Variants in RPS6KB2 observed in about 807,000 individuals in gnomAD.
RPS6KB2 encodes the protein ribosomal protein S6 kinase beta-2.
In RPS6KB2, 51 loss-of-function variants were observed where a neutral mutation model predicts 58.2. The ratio of observed to expected loss-of-function variants is 0.88; its 90% CI spans 0.70 to 1.11. The LOEUF (loss-of-function observed/expected upper bound fraction) is 1.11, where lower values mean the gene tolerates loss of function less well. Ranked by LOEUF, RPS6KB2 falls within the 50% of genes least tolerant of loss-of-function variation. RPS6KB2 has a pLI of 0.00. For synonymous variants in RPS6KB2, 293 were observed against 258.6 expected (o/e 1.13, Z -1.28); for missense variants, 671 against 655.8 (o/e 1.02, Z -0.25).
Position 67,432,638 on chromosome 11 carries a change from T to C in RPS6KB2, c.496T>C (p.Phe166Leu). The C allele has an allele frequency of 6.2e-7, 1 of 1,614,200 alleles. No homozygotes were observed. The highest frequency in any genetic ancestry group is 1.1e-5 in the South Asian group (1 of 91,080). ...LFTHLEREGI[F>L]LEDTACFYLA... The stretch of plus-strand genomic sequence containing the variant: ...CACGCATCTGGAGCGAGAGGGCATC[T>C]TCCTGGAAGATACGGCCTGGTGGGT... Residue 166 changes from phenylalanine to leucine, a missense_variant, in exon 6 of 15, where the codon TTC becomes CTC. Phe to Leu is a conservative substitution (Grantham distance 22). Coordinates refer to ENST00000312629, the MANE Select transcript of RPS6KB2 (RefSeq NM_003952.3).
At chr11:67,434,774 G>A in intron 14 of RPS6KB2, 80 bp downstream of exon 14, 1 of 1,208,702 alleles carries the variant, frequency 8.3e-7, no homozygotes. Flanking sequence ...GGGTGCCTTG[G>A]CCACGTCTGT....
At chr11:67,434,515 C>T (rs1317951923) in intron 13 of RPS6KB2, 31 bp downstream of exon 13, 12 of 1,602,668 alleles carry the variant, frequency 7.5e-6, no homozygotes, top group Non-Finnish European at 1.0e-5. Flanking sequence ...CCTGTGGGAC[C>T]AGGGCACGGA....
intron 14 of RPS6KB2, 64 bp from the exon 15 acceptor site, chr11:67,434,925 C>T (rs2135130985): frequency 6.8e-7 from 1 of 1,481,022 alleles, no homozygotes; most frequent in African/African-American, 1.4e-5. Flanking sequence ...CCTTCCCTGA[C>T]TGAGTGCTGG....
intron 3 of RPS6KB2, 28 bp from the exon 4 acceptor site, chr11:67,429,499 A>G: frequency 6.2e-7 from 1 of 1,605,386 alleles, no homozygotes; most frequent in Non-Finnish European, 8.5e-7. Flanking sequence ...TGGAGAGGGA[A>G]GTTGATCCTG....
In RPS6KB2 at chr11:67,432,740, C is replaced by G. The variant is rs371735596; in HGVS notation, c.519C>G (p.Phe173Leu). Residue 173 changes from phenylalanine (F) to leucine (L), a missense_variant, in exon 7 of 15, where the codon TTC becomes TTG. Phe to Leu is a conservative substitution (Grantham distance 22). Transcript: ENST00000312629. Reference protein sequence around the residue: ...EGIFLEDTACFYLAEITLALG... With the variant: ...EGIFLEDTACLYLAEITLALG... Reference sequence around the variant, plus strand: ...TCACCCTGTCTTGTTTCTGCAGCTTCTACCTGGCTGAGATCACGCTGGCCC... The same window carrying G: ...TCACCCTGTCTTGTTTCTGCAGCTTGTACCTGGCTGAGATCACGCTGGCCC... 32 of 1,614,064 alleles carry G rather than the reference C, an allele frequency of 2.0e-5. No individual in the cohort carries two copies. In the Admixed American group the frequency reaches 5.3e-4, roughly 27 times the overall value.
chr11:67,428,990 TC>T lies in RPS6KB2; in HGVS notation c.91del (p.Ala32ProfsTer3), dbSNP rs1443134548. The stretch of plus-strand genomic sequence containing the variant: ...CCCTCGGTTTCTCACAGGACGCATG[TC>T]CCCTTGCCGAGTTGAGGGCAGCTGG... ...EPELSPADAC[P>X]LAELRAAGLE... is the part of the protein sequence containing the mutation. On this transcript the variant is annotated frameshift_variant, in exon 2 of 15. Coordinates refer to ENST00000312629, the MANE Select transcript of RPS6KB2 (RefSeq NM_003952.3). LOFTEE classifies it high-confidence loss of function. 10 of 1,613,510 alleles carry T rather than the reference TC, an allele frequency of 6.2e-6. No individual in the cohort carries two copies. The highest frequency in any genetic ancestry group is 6.8e-6 in the Non-Finnish European group (8 of 1,179,886).
At chr11:67,432,308 G>A (rs909211494) in intron 5 of RPS6KB2, 8 of 635,354 alleles carry the variant, frequency 1.3e-5, no homozygotes, top group Non-Finnish European at 2.0e-5. Flanking sequence ...GCTGTGGCCT[G>A]GGCCTGGCGT....
At chr11:67,432,416 C>T in intron 5 of RPS6KB2, 184 bp from the exon 6 acceptor site, 1 of 719,980 alleles carries the variant, frequency 1.4e-6, no homozygotes, top group Non-Finnish European at 2.5e-6. Flanking sequence ...TCACCCAGCA[C>T]AGGGCCAGGC....
Position 67,433,234 on chromosome 11 carries a change from G to A in RPS6KB2, c.798+18G>A. 1 of 1,606,868 alleles carries A rather than the reference G, an allele frequency of 6.2e-7. No homozygotes were observed. Among genetic ancestry groups the A allele is most frequent in the Non-Finnish European group, 8.5e-7 (1 of 1,178,950 alleles). ...CTGGATCGGCAAGTCCAGCCCCCGG[G>A]GAGGAGGAGGGGCAGGGGCAGAGGT... On this transcript the variant is annotated intron_variant, in intron 9 of 14. Transcript: ENST00000312629.
rs879488342 is a variant in RPS6KB2 at position 67,429,462 on chromosome 11, AGGGTGGGGC to A, written c.241-64_241-56del. On this transcript the variant is annotated intron_variant, in intron 3 of 14. Coordinates refer to ENST00000312629, the MANE Select transcript of RPS6KB2 (RefSeq NM_003952.3). ...CTCCTGATCCCAAAGCCAGAGCTTC[AGGGTGGGGC>A]TTCTTGAAGATAGGATGTGGAGAGG... 10,881 of 1,514,756 alleles carry A rather than the reference AGGGTGGGGC, an allele frequency of 7.2e-3. 84 individuals carry two copies. The highest frequency in any genetic ancestry group is 0.044 in the Middle Eastern group (213 of 4,882). The allele number at this position is 1,514,756 out of a possible 1,614,324, so 93.8% of individuals were successfully genotyped here.
chr11:67,434,881 G>A (rs934410671), intron 14 of RPS6KB2, 108 bp from the exon 15 acceptor site: 150 of 1,169,280 alleles, frequency 1.3e-4, no homozygotes, highest in Non-Finnish European at 1.7e-4. Flanking sequence ...TGTGGAGCCC[G>A]CGGCCTGTGT....
At chr11:67,430,064 C>T (rs1305628488) in intron 4 of RPS6KB2, 2 of 156,218 alleles carry the variant, frequency 1.3e-5, no homozygotes, top group African/African-American at 4.9e-5. Flanking sequence ...CCTTGGCCTC[C>T]AACGTGCTGG....
chr11:67,434,428 C>T lies in RPS6KB2; in HGVS notation c.1099C>T (p.Pro367Ser). Reference protein sequence around the residue: ...QFDTRFTRQTPVDSPDDTALS... With the variant: ...QFDTRFTRQTSVDSPDDTALS... Reference sequence around the variant, plus strand: ...TGATACCCGCTTCACACGGCAGACGCCGGTGGACAGTCCTGATGACACAGC... The same window carrying T: ...TGATACCCGCTTCACACGGCAGACGTCGGTGGACAGTCCTGATGACACAGC... Residue 367 changes from proline to serine, a missense_variant, in exon 13 of 15, where the codon CCG becomes TCG. By Grantham distance (74) the Pro-to-Ser change is moderately conservative. Coordinates refer to ENST00000312629, the MANE Select transcript of RPS6KB2 (RefSeq NM_003952.3). 6.2e-7 allele frequency: 1 copy of T among 1,613,082 alleles called. No individual in the cohort carries two copies. Among genetic ancestry groups the T allele is most frequent in the Non-Finnish European group, 8.5e-7 (1 of 1,180,010 alleles).
In RPS6KB2 at chr11:67,433,434, A is replaced by G. The variant is rs1182155013; in HGVS notation, c.893A>G (p.Asp298Gly). The stretch of plus-strand genomic sequence containing the variant: ...CCCTACCTCACCCCAGATGCCCGGG[A>G]CCTTGTCAAAAAGGTGCAGCTCCCT... ...LPPYLTPDAR[D>G]LVKKFLKRNP... Residue 298 changes from aspartate to glycine, a missense_variant, in exon 10 of 15, where the codon GAC becomes GGC. Asp to Gly is a moderately conservative substitution (Grantham distance 94, BLOSUM62 -1). Coordinates refer to ENST00000312629, the MANE Select transcript of RPS6KB2 (RefSeq NM_003952.3). 6.2e-7 allele frequency: 1 copy of G among 1,612,520 alleles called. No individual in the cohort carries two copies. Among genetic ancestry groups the G allele is most frequent in the Admixed American group, 1.7e-5 (1 of 60,014 alleles).
Position 67,434,269 on chromosome 11 carries a change from C to G in RPS6KB2, c.1041C>G (p.Pro347=). 6.2e-7 allele frequency: 1 copy of G among 1,613,524 alleles called. No individual in the cohort carries two copies. The part of the protein sequence containing the change: ...LAWRVDPPFR[P]CLQSEEDVSQ... Reference sequence around the variant, plus strand: ...GGCGTGTGGACCCCCCTTTCAGGCCCTGTCTGGTGAGCAGCAGGGCTGGTG... The same window carrying G: ...GGCGTGTGGACCCCCCTTTCAGGCCGTGTCTGGTGAGCAGCAGGGCTGGTG... Residue 347 remains proline (P), a synonymous_variant, in exon 12 of 15, where the codon CCC becomes CCG. Transcript: ENST00000312629.
intron 4 of RPS6KB2, chr11:67,430,417 G>A (rs1863983678): frequency 6.6e-6 from 1 of 152,066 alleles, no homozygotes; most frequent in Non-Finnish European, 1.5e-5. Flanking sequence ...AGCCTCCTGA[G>A]TAGCTGGGAT....
chr11:67,429,644 C>A, intron 4 of RPS6KB2, 49 bp downstream of exon 4: 1 of 1,422,620 alleles, frequency 7.0e-7, no homozygotes, highest in Non-Finnish European at 9.8e-7. Flanking sequence ...CCATTCCCAA[C>A]ATGCTGTACC....
intron 5 of RPS6KB2, 166 bp downstream of exon 5, chr11:67,431,681 C>T: frequency 3.3e-6 from 2 of 608,502 alleles, no homozygotes; most frequent in Non-Finnish European, 5.8e-6. Flanking sequence ...TCCGTCCCAT[C>T]ATTCATTCAT....
chr11:67,434,032 GCC>G lies in RPS6KB2; in HGVS notation c.946_947del (p.Pro316ArgfsTer5), dbSNP rs1864148872. 1 of 1,614,024 alleles carries G rather than the reference GCC, an allele frequency of 6.2e-7. No homozygotes were observed. The highest frequency in any genetic ancestry group is 1.3e-5 in the African/African-American group (1 of 74,940). On this transcript the variant is annotated frameshift_variant, in exon 11 of 15. Coordinates refer to ENST00000312629, the MANE Select transcript of RPS6KB2 (RefSeq NM_003952.3). LOFTEE classifies it high-confidence loss of function. ...AATCCCAGCCAGCGGATTGGGGGTG[GCC>G]CAGGGGATGCTGCTGATGTGCAGGT... is the stretch of plus-strand genomic sequence containing the variant.
Sources: gnomAD v4.1 joint callset for allele counts on GRCh38, gnomAD v4.1.1 for gene constraint, MANE v1.5 for transcripts, NCBI Gene and HGNC (gene_info 2026-07-23, HGNC 2026-07-21) for gene names.